The following CREB3L1 variants were observed in gnomAD, a reference collection of about 807,000 sequenced individuals.
CREB3L1 encodes the protein cAMP responsive element binding protein 3 like 1.
Under a neutral mutation model 54.5 loss-of-function variants are expected in CREB3L1, and 33 were observed. The ratio of observed to expected loss-of-function variants is 0.61; its 90% confidence interval spans 0.46 to 0.81. The LOEUF (loss-of-function observed/expected upper bound fraction) is 0.81. CREB3L1 is among the 30% of genes least tolerant of loss of function. CREB3L1 has a pLI of 0.00. For missense variants in CREB3L1, 656 were observed against 673.3 expected, an observed-to-expected ratio of 0.97 and a Z score of 0.29; for synonymous variants, 284 against 286.4, an observed-to-expected ratio of 0.99 and a Z score of 0.08.
chr11:46,302,168 A>AAATAATAATAATAATAAT, intron 2 of CREB3L1, among the ~76,000 whole-genome samples: 1 of 135,628 alleles, frequency 7.4e-6, no homozygotes, highest in Non-Finnish European at 1.6e-5. Flanking sequence ...GCTCCGTCTC[A>AAATAATAATAATAATAAT]AATAATAATA....
intron 9 of CREB3L1, 30 bp from the exon 10 acceptor site, chr11:46,317,331 G>C (rs374921154): frequency 7.6e-5 from 123 of 1,613,676 alleles, no homozygotes; most frequent in Non-Finnish European, 9.4e-5. Context: ...CCTTACCCCA[G>C]ATCTGATGCC....
chr11:46,307,994 C>T lies in CREB3L1; in HGVS notation c.510C>T (p.Pro170=), dbSNP rs762660074. ...GCCCCTTGTCCAGGCTGCCCATCCC[C>T]CACCAGGTGAGCCTGGGAACTGTTT... ...GLSPLSRLPI[P]HQAPGEMTQL... is the part of the protein sequence containing the mutation. Residue 170 remains proline, a synonymous_variant, in exon 3 of 12, where the codon CCC becomes CCT. Transcript: ENST00000621158. The T allele has an allele frequency of 5.2e-6, 8 of 1,540,794 alleles. No homozygotes were observed. The highest frequency in any genetic ancestry group is 4.8e-5 in the South Asian group (4 of 82,960).
chr11:46,284,402 A>G (rs1349765368), intron 1 of CREB3L1, among the ~76,000 whole-genome samples: 6 of 152,062 alleles, frequency 3.9e-5, no homozygotes, highest in African/African-American at 1.4e-4. Flanking sequence ...CATAATACCA[A>G]CACTTTGGGA....
At chr11:46,292,897 C>CA (rs1939150689) in intron 1 of CREB3L1, among the ~76,000 whole-genome samples, 1 of 152,128 alleles carries the variant, frequency 6.6e-6, no homozygotes, top group Non-Finnish European at 1.5e-5. Context: ...GCTAGGATTA[C>CA]AAGTGTGAGC....
At chr11:46,300,505 T>A (rs1333188743) in intron 2 of CREB3L1, among the ~76,000 whole-genome samples, 2 of 152,232 alleles carry the variant, frequency 1.3e-5, no homozygotes, top group Non-Finnish European at 2.9e-5. Context: ...GGCCCAGCCT[T>A]CCAGGTGATT....
chr11:46,307,633 G>A (rs142334428), intron 2 of CREB3L1, among the ~76,000 whole-genome samples, 183 bp from the exon 3 acceptor site: 46 of 152,254 alleles, frequency 3.0e-4, no homozygotes, highest in African/African-American at 9.6e-4. Context: ...TGAATGAAGA[G>A]GATGTCCTCA....
intron 1 of CREB3L1, among the ~76,000 whole-genome samples, chr11:46,297,200 C>G (rs1939223174): frequency 1.3e-5 from 2 of 152,336 alleles, no homozygotes; most frequent in South Asian, 4.1e-4. Flanking sequence ...AGGGTGTAGC[C>G]AGCGCGGCCC....
chr11:46,291,559 G>A (rs1466926077), intron 1 of CREB3L1, among the ~76,000 whole-genome samples: 1 of 152,174 alleles, frequency 6.6e-6, no homozygotes, highest in East Asian at 1.9e-4. Flanking sequence ...AAGAGGGGGT[G>A]GACCTAATGA....
intron 10 of CREB3L1, among the ~76,000 whole-genome samples, chr11:46,319,868 G>C (rs1335882422): frequency 1.4e-5 from 2 of 141,524 alleles, no homozygotes; most frequent in East Asian, 4.0e-4. Flanking sequence ...GACAGAGCAA[G>C]ACTCTGTCTC....
intron 3 of CREB3L1, among the ~76,000 whole-genome samples, chr11:46,308,276 G>T (rs1939431970): frequency 6.6e-6 from 1 of 152,192 alleles, no homozygotes; most frequent in African/African-American, 2.4e-5. Flanking sequence ...CCAGGCAGGG[G>T]TGGCATCAGG....
chr11:46,281,236 ACC>A (rs1225813943), intron 1 of CREB3L1, among the ~76,000 whole-genome samples: 1 of 152,054 alleles, frequency 6.6e-6, no homozygotes, highest in Non-Finnish European at 1.5e-5. Flanking sequence ...TGATGTGGCC[ACC>A]CTTGAGCCAC....
rs577807775 is a variant in CREB3L1 at position 46,294,238 on chromosome 11, C to T, written c.103-5697C>T. Among the ~76,000 whole-genome samples, 9 of 152,220 alleles carry T rather than the reference C, an allele frequency of 5.9e-5. No individual in the cohort carries two copies. The South Asian group carries it at 1.9e-3, about 32-fold the overall frequency. On this transcript the variant is annotated intron_variant, in intron 1 of 11. Coordinates refer to ENST00000621158, the MANE Select transcript of CREB3L1 (RefSeq NM_052854.4). ...AACTTCAGCAGCCGCCTTCCCTAGG[C>T]CTATGGGGACTGGGGGCTGAGAGTG...
chr11:46,289,629 A>C (rs945769545), intron 1 of CREB3L1, among the ~76,000 whole-genome samples: 2 of 152,174 alleles, frequency 1.3e-5, no homozygotes, highest in Non-Finnish European at 2.9e-5. Flanking sequence ...GAATGAGGAG[A>C]TAAAGGACAA....
Position 46,307,798 on chromosome 11 carries a change from C to G in CREB3L1, c.332-18C>G, listed in dbSNP as rs764665109. 7 of 1,537,666 alleles carry G rather than the reference C, an allele frequency of 4.6e-6. No homozygotes were observed. Among genetic ancestry groups the G allele is most frequent in the Admixed American group, 2.0e-5 (1 of 49,582 alleles). ...GACCTCTGCCCTAGAGTCCCCTGAG[C>G]CTTTCCCCTTCCCCTAGATGCAGAG... On this transcript the variant is annotated intron_variant, in intron 2 of 11. Transcript: ENST00000621158.
chr11:46,286,733 C>T (rs189148112), intron 1 of CREB3L1, among the ~76,000 whole-genome samples: 21 of 151,704 alleles, frequency 1.4e-4, no homozygotes, highest in African/African-American at 5.1e-4. Flanking sequence ...TGCAGTGAGC[C>T]GAGATTGAAC....
intron 2 of CREB3L1, 108 bp downstream of exon 2, chr11:46,300,271 C>T (rs1461907484): frequency 2.5e-6 from 2 of 809,600 alleles, no homozygotes; most frequent in African/African-American, 1.7e-5. Context: ...CCCAGAGGCT[C>T]CAAGAGGAGC....
In CREB3L1 at chr11:46,277,836, C is replaced by CCAGGAGGAG. The variant is rs1938895824; in HGVS notation, c.-266_-258dup. On this transcript the variant is annotated 5_prime_UTR_variant, in exon 1 of 12. Transcript: ENST00000621158. ...GCTCCCCATGGAAGCCAGCTGTGCCCCAGGAGGAGCAGGAGGAGGTGGAGT... is the reference window on the plus strand; with the variant it reads ...GCTCCCCATGGAAGCCAGCTGTGCCCCAGGAGGAGCAGGAGGAGCAGGAGGAGGTGGAGT... The CCAGGAGGAG allele has an allele frequency of 3.0e-6, 1 of 333,294 alleles. No individual in the cohort carries two copies. The highest frequency in any genetic ancestry group is 2.1e-5 in the African/African-American group (1 of 46,896). The allele number at this position is 333,294 out of a possible 1,614,324, so 20.6% of individuals were successfully genotyped here.
intron 1 of CREB3L1, among the ~76,000 whole-genome samples, chr11:46,298,294 CT>C (rs1939242503): frequency 6.6e-6 from 1 of 152,214 alleles, no homozygotes; most frequent in African/African-American, 2.4e-5. Context: ...TGGCACAAGC[CT>C]TTAACCACTC....
Position 46,317,427 on chromosome 11 carries a change from G to A in CREB3L1, c.1198G>A (p.Gly400Ser), listed in dbSNP as rs774182913. The stretch of plus-strand genomic sequence containing the variant: ...GCCCTGCCTTCCCGAGTTCTCCTCC[G>A]GCTCCCAGACTGTGAAGGAAGACCC... ...LVPCLPEFSS[G>S]SQTVKEDPLA... The change falls in exon 10 of 12, where the codon GGC becomes AGC. Residue 400 changes from glycine (G) to serine (S), a missense_variant. Gly to Ser is a moderately conservative substitution (Grantham distance 56, BLOSUM62 0). Coordinates refer to ENST00000621158, the MANE Select transcript of CREB3L1 (RefSeq NM_052854.4). 1.4e-5 allele frequency: 22 copies of A among 1,613,524 alleles called. No individual in the cohort carries two copies. Among genetic ancestry groups the A allele is most frequent in the Middle Eastern group, 1.6e-4 (1 of 6,084 alleles).
Sources: gnomAD v4.1 joint callset for allele counts (sites outside exome capture counted in the v4.1 genomes callset) on GRCh38, gnomAD v4.1.1 for gene constraint, MANE v1.5 for transcripts, NCBI Gene and HGNC (gene_info 2026-07-23, HGNC 2026-07-21) for gene names.